Variants in DIAPH3 observed in about 807,000 individuals in gnomAD.
The protein encoded by DIAPH3 is protein diaphanous homolog 3.
A neutral mutation model predicts 144.3 loss-of-function variants in DIAPH3; 117 were observed. The ratio of observed to expected loss-of-function variants is 0.81; its 90% CI spans 0.70 to 0.95. DIAPH3 has a LOEUF of 0.95. Among genes scored for constraint, DIAPH3 ranks in the 40% least tolerant of loss-of-function variants. DIAPH3 has a pLI of 0.00. For synonymous variants in DIAPH3, 519 were observed against 488.9 expected, an observed-to-expected ratio of 1.06 and a Z score of -0.81; for missense variants, 1,421 against 1,412.7, an observed-to-expected ratio of 1.01 and a Z score of -0.09.
At chr13:59,906,207 T>C (rs1228508692) in intron 20 of DIAPH3, among the ~76,000 whole-genome samples, 2 of 152,036 alleles carry the variant, frequency 1.3e-5, no homozygotes, top group African/African-American at 4.8e-5. Flanking sequence ...AAGAGAATGA[T>C]TAAAAGGAAA....
chr13:59,691,651 A>G (rs2033530532), intron 27 of DIAPH3, among the ~76,000 whole-genome samples: 1 of 152,214 alleles, frequency 6.6e-6, no homozygotes, highest in Non-Finnish European at 1.5e-5. Flanking sequence ...TAGTTAAAGC[A>G]TGTAGAACGA....
At chr13:60,055,616 A>G (rs2141266174) in intron 4 of DIAPH3, among the ~76,000 whole-genome samples, 1 of 152,090 alleles carries the variant, frequency 6.6e-6, no homozygotes, top group East Asian at 1.9e-4. Flanking sequence ...ATGCAATTAT[A>G]AGAAAAAAAG....
intron 27 of DIAPH3, among the ~76,000 whole-genome samples, chr13:59,719,092 A>AAAAAC (rs962552567): frequency 2.6e-5 from 4 of 152,200 alleles, no homozygotes; most frequent in Non-Finnish European, 2.9e-5. Flanking sequence ...TCTTTAGCAA[A>AAAAAC]AAAACAAAAC....
Position 60,163,838 on chromosome 13 carries a change from C to T in DIAPH3, c.-72G>A. 6.6e-7 allele frequency: 1 copy of T among 1,523,232 alleles called. No homozygotes were observed. The highest frequency in any genetic ancestry group is 1.2e-5 in the South Asian group (1 of 82,484). The allele number at this position is 1,523,232 out of a possible 1,614,324, so 94.4% of individuals were successfully genotyped here. ...AGCCGCAAGCTGGAAGCTGAGGGAT[C>T]GACAACAGGTTTTACTCCCGGGGTC... On this transcript the variant is annotated 5_prime_UTR_variant, in exon 1 of 28. Transcript: ENST00000400324.
intron 3 of DIAPH3, among the ~76,000 whole-genome samples, chr13:60,110,239 C>T (rs2058530839): frequency 6.6e-6 from 1 of 152,142 alleles, no homozygotes; most frequent in Admixed American, 6.5e-5. Flanking sequence ...GTAAAAATTG[C>T]ACAATGCCAA....
In DIAPH3 at chr13:59,792,834, A is replaced by G. The variant is rs1354470743; in HGVS notation, c.3163+17954T>C. On this transcript the variant is annotated intron_variant, in intron 25 of 27. Coordinates refer to ENST00000400324, the MANE Select transcript of DIAPH3 (RefSeq NM_001042517.2). Reference sequence around the variant, plus strand: ...TCCCACTAAAATGTAAATAAGCCCCAAACTCCATCTTCTTGGCATTACTCC... The same window carrying G: ...TCCCACTAAAATGTAAATAAGCCCCGAACTCCATCTTCTTGGCATTACTCC... 1.3e-5 allele frequency among the ~76,000 whole-genome samples: 2 copies of G among 152,074 alleles called. 1 individual carries two copies. The highest frequency in any genetic ancestry group is 6.3e-3 in the Middle Eastern group (2 of 316).
At chr13:60,016,211 C>G in intron 5 of DIAPH3, 66 bp from the exon 6 acceptor site, 2 of 1,362,062 alleles carry the variant, frequency 1.5e-6, no homozygotes, top group South Asian at 1.2e-5. Context: ...ATATTATATA[C>G]CTACAAGTAT....
At chr13:59,922,462 T>C (rs554110094) in intron 18 of DIAPH3, among the ~76,000 whole-genome samples, 1 of 152,182 alleles carries the variant, frequency 6.6e-6, no homozygotes, top group South Asian at 2.1e-4. Context: ...ATACCCATAA[T>C]ATTCTCTTCA....
At chr13:60,071,646 C>T (rs757475573) in intron 4 of DIAPH3, among the ~76,000 whole-genome samples, 7 of 152,258 alleles carry the variant, frequency 4.6e-5, no homozygotes, top group Non-Finnish European at 8.8e-5. Context: ...ATCTGCTCCA[C>T]TCTGAACACA....
intron 20 of DIAPH3, among the ~76,000 whole-genome samples, chr13:59,884,178 C>T (rs952924283): frequency 1.3e-5 from 2 of 152,122 alleles, no homozygotes; most frequent in Admixed American, 6.6e-5. Context: ...ACTATGCACG[C>T]AAAAGATCTA....
intron 9 of DIAPH3, among the ~76,000 whole-genome samples, chr13:59,997,546 C>A (rs940155197): frequency 6.6e-6 from 1 of 151,960 alleles, no homozygotes; most frequent in African/African-American, 2.4e-5. Flanking sequence ...TATTTATTTT[C>A]TTTTGGGTGG....
intron 5 of DIAPH3, among the ~76,000 whole-genome samples, chr13:60,023,794 T>C (rs961315107): frequency 1.3e-5 from 2 of 151,270 alleles, no homozygotes; most frequent in African/African-American, 4.9e-5. Context: ...TTTATCCTGT[T>C]TGTGATTCAG....
intron 27 of DIAPH3, among the ~76,000 whole-genome samples, chr13:59,695,863 G>A (rs1035343668): frequency 6.6e-6 from 1 of 151,978 alleles, no homozygotes; most frequent in African/African-American, 2.4e-5. Context: ...ATATGCACTG[G>A]TACCCTTTCT....
intron 13 of DIAPH3, among the ~76,000 whole-genome samples, chr13:59,982,111 A>T (rs2051054523): frequency 6.6e-6 from 1 of 151,504 alleles, no homozygotes; most frequent in Admixed American, 6.6e-5. Flanking sequence ...TATTCATAGA[A>T]ATACAATGAC....
chr13:60,106,475 T>A (rs2058425049), intron 3 of DIAPH3, among the ~76,000 whole-genome samples: 1 of 152,144 alleles, frequency 6.6e-6, no homozygotes, highest in African/African-American at 2.4e-5. Context: ...AGGATAGATT[T>A]CTTCAATAAT....
At chr13:59,864,180 C>A (rs2139951260) in intron 21 of DIAPH3, among the ~76,000 whole-genome samples, 1 of 152,162 alleles carries the variant, frequency 6.6e-6, no homozygotes, top group African/African-American at 2.4e-5. Context: ...CAAATACAAT[C>A]TTTAAGTTTC....
At chr13:60,058,692 A>G (rs2056649178) in intron 4 of DIAPH3, among the ~76,000 whole-genome samples, 1 of 152,004 alleles carries the variant, frequency 6.6e-6, no homozygotes, top group South Asian at 2.1e-4. Flanking sequence ...ATATATACAC[A>G]CATACACATA....
chr13:59,888,336 C>T (rs947867929), intron 20 of DIAPH3, among the ~76,000 whole-genome samples: 2 of 152,094 alleles, frequency 1.3e-5, no homozygotes, highest in Admixed American at 1.3e-4. Flanking sequence ...AGTCGGCCAG[C>T]ACCCTGATCA....
At chr13:59,980,953 A>G in intron 13 of DIAPH3, 94 bp from the exon 14 acceptor site, 1 of 981,518 alleles carries the variant, frequency 1.0e-6, no homozygotes, top group Non-Finnish European at 1.6e-6. Context: ...ATAGAAAATA[A>G]TTAAATACTG....
Sources: gnomAD v4.1 joint callset for allele counts (sites outside exome capture counted in the v4.1 genomes callset) on GRCh38, gnomAD v4.1.1 for gene constraint, MANE v1.5 for transcripts, NCBI Gene and HGNC (gene_info 2026-07-23, HGNC 2026-07-21) for gene names.